KCNA3: variants seen among roughly 807,000 people sequenced by gnomAD.
KCNA3 encodes the protein RP11-284N8.3.
Under a neutral mutation model 34.3 loss-of-function variants are expected in KCNA3, and 18 were observed. The ratio of observed to expected loss-of-function variants is 0.52; its 90% CI spans 0.36 to 0.78. The LOEUF (loss-of-function observed/expected upper bound fraction) is 0.78, where lower values mean the gene tolerates loss of function less well. Among genes scored for constraint, KCNA3 ranks in the 30% least tolerant of loss-of-function variants. The probability of loss-of-function intolerance (pLI) is 0.00; values close to 1 mark genes in which losing one functional copy is unlikely to be tolerated. For synonymous variants in KCNA3, 324 were observed against 351.7 expected, an observed-to-expected ratio of 0.92 and a Z score of 0.88; for missense variants, 587 against 802.5, an observed-to-expected ratio of 0.73 and a Z score of 3.24.
chr1:110,674,496 C>T lies in KCNA3; in HGVS notation c.314G>A (p.Arg105His), dbSNP rs766185334. The T allele has an allele frequency of 1.2e-6, 2 of 1,613,470 alleles. No individual in the cohort carries two copies. The highest frequency in any genetic ancestry group is 1.1e-5 in the South Asian group (1 of 91,062). The stretch of plus-strand genomic sequence containing the variant: ...CAGCCCGGAGATGTTGATGACCACG[C>T]GCTCCCCGCAGCAGTCCTGCTCGCC... ...AAGEQDCCGERVVINISGLRF... is the reference protein window; with the variant it reads ...AAGEQDCCGEHVVINISGLRF... The change falls in exon 1 of 1, where the codon CGC (arginine) becomes CAC (histidine). Residue 105 changes from arginine to histidine, a missense_variant. Physicochemically the swap from Arg to His is conservative, Grantham distance 29. Coordinates refer to ENST00000369769, the MANE Select transcript of KCNA3 (RefSeq NM_002232.5). This position sits in a 1 kb window ranked among gnomAD's most constrained non-coding sequence, Gnocchi z 6.4.
Position 110,674,689 on chromosome 1 carries a change from CG to C in KCNA3, c.120del (p.Tyr40Ter). ...AGCTCGCGGCCTGCGGCGGGCTCCGCGTAGCCGTGGTTCACCAGCGTGTGGG... is the reference window on the plus strand; with the variant it reads ...AGCTCGCGGCCTGCGGCGGGCTCCGCTAGCCGTGGTTCACCAGCGTGTGGG... ...GGAHTLVNHG[Y>X]AEPAAGRELP... On this transcript the variant is annotated frameshift_variant, in exon 1 of 1. Transcript: ENST00000369769. LOFTEE classifies it high-confidence loss of function. The surrounding 1 kb of genome is among the most constrained non-coding windows in gnomAD (Gnocchi z 6.4). 6.7e-7 allele frequency: 1 copy of C among 1,499,740 alleles called. No homozygotes were observed. Among genetic ancestry groups the C allele is most frequent in the Non-Finnish European group, 8.8e-7 (1 of 1,135,234 alleles). 92.9% of individuals were successfully genotyped at this position (1,499,740 alleles called of 1,614,324 possible).
At position 110,673,006 on chromosome 1, in the gene KCNA3, T is replaced by C. The variant is rs1651942775; in HGVS notation, c.*76A>G. The stretch of plus-strand genomic sequence containing the variant: ...CCTTGATGAATGGTCTGGAAATGTA[T>C]AAAACAAGGGCATAGGCAGACCAAG... On this transcript the variant is annotated 3_prime_UTR_variant, in exon 1 of 1. Coordinates refer to ENST00000369769, the MANE Select transcript of KCNA3 (RefSeq NM_002232.5). The surrounding 1 kb of genome is among the most constrained non-coding windows in gnomAD (Gnocchi z 8.8). 1 of 1,380,788 alleles carries C rather than the reference T, an allele frequency of 7.2e-7. No homozygotes were observed. The highest frequency in any genetic ancestry group is 9.9e-7 in the Non-Finnish European group (1 of 1,006,540). The allele number at this position is 1,380,788 out of a possible 1,614,324, so 85.5% of individuals were successfully genotyped here. A position where few individuals can be genotyped will look rare whatever the true frequency, so the allele number is the denominator to read the frequency against.
chr1:110,674,033 G>A lies in KCNA3; in HGVS notation c.777C>T (p.Phe259=), dbSNP rs772498195. 8.7e-6 allele frequency: 14 copies of A among 1,608,604 alleles called. No homozygotes were observed. The South Asian group carries it at 1.5e-4, about 18-fold the overall frequency. Reference sequence around the variant, plus strand: ...AGGCGGGGTAGTCCTTCTCGTCGCGGAACTCCGGCAGCGTCTCCAGGCAGA... The same window carrying A: ...AGGCGGGGTAGTCCTTCTCGTCGCGAAACTCCGGCAGCGTCTCCAGGCAGA... ...VIFCLETLPE[F]RDEKDYPAST... is the part of the protein sequence containing the mutation. Residue 259 remains phenylalanine, a synonymous_variant, in exon 1 of 1, where the codon TTC becomes TTT. Transcript: ENST00000369769. The surrounding 1 kb of genome is among the most constrained non-coding windows in gnomAD (Gnocchi z 6.4).
rs2100949783 is a variant in KCNA3, at chr1:110,673,447, T to C, written c.1363A>G (p.Ile455Val). ...AGAGATCCCACAATCTTGCCCCCTATGGTCACTGGGTGCATATCGCCGTAA... is the reference window on the plus strand; with the variant it reads ...AGAGATCCCACAATCTTGCCCCCTACGGTCACTGGGTGCATATCGCCGTAA... ...VGYGDMHPVTIGGKIVGSLCA... is the reference protein window; with the variant it reads ...VGYGDMHPVTVGGKIVGSLCA... The change falls in exon 1 of 1, where the codon ATA becomes GTA. Residue 455 changes from isoleucine to valine, a missense_variant. Transcript: ENST00000369769. The surrounding 1 kb of genome is among the most constrained non-coding windows in gnomAD (Gnocchi z 8.8). 1.9e-6 allele frequency: 3 copies of C among 1,614,112 alleles called. No homozygotes were observed. The highest frequency in any genetic ancestry group is 2.2e-5 in the East Asian group (1 of 44,888).
rs1456820526 is a variant in KCNA3, at chr1:110,673,281, G to C, written c.1529C>G (p.Ser510Cys). 1.2e-6 allele frequency: 2 copies of C among 1,613,922 alleles called. No individual in the cohort carries two copies. Among genetic ancestry groups the C allele is most frequent in the Non-Finnish European group, 1.7e-6 (2 of 1,180,010 alleles). The change falls in exon 1 of 1, where the codon TCT becomes TGT. Residue 510 changes from serine (S) to cysteine (C), a missense_variant. Physicochemically the swap from Ser to Cys is moderately radical, Grantham distance 112. Transcript: ENST00000369769. This position sits in a 1 kb window ranked among gnomAD's most constrained non-coding sequence, Gnocchi z 8.8. ...MHVGSCQHLSSSAEELRKARS... is the reference protein window; with the variant it reads ...MHVGSCQHLSCSAEELRKARS... The stretch of plus-strand genomic sequence containing the variant: ...TGCTTTTCGGAGCTCCTCGGCTGAA[G>C]AGGAGAGGTGCTGGCAACTTCCCAC...
In KCNA3 at chr1:110,672,826, C is replaced by T. The variant is rs1355910449; in HGVS notation, c.*256G>A. 4.7e-6 allele frequency: 2 copies of T among 421,764 alleles called. No homozygotes were observed. The highest frequency in any genetic ancestry group is 2.0e-5 in the African/African-American group (1 of 50,110). 26.1% of individuals were successfully genotyped at this position (421,764 alleles called of 1,614,324 possible). On this transcript the variant is annotated 3_prime_UTR_variant, in exon 1 of 1. Transcript: ENST00000369769. The stretch of plus-strand genomic sequence containing the variant: ...GGCGTGTACTAGAAATGAAGTTTAA[C>T]GTAAGTCTGTTGTTTACAATGTTAA...
At chr1:110,670,313 C>T (rs1570799096), downstream of KCNA3, among the ~76,000 whole-genome samples, 1 of 152,138 alleles carries the variant, frequency 6.6e-6, no homozygotes, top group South Asian at 2.1e-4. Context: ...AATGTGGTGA[C>T]TACAAGCAAT....
At chr1:110,655,149 T>C in the KCNA3 span, 1 of 152,066 alleles carries the variant, frequency 6.6e-6, no homozygotes, top group African/African-American at 2.4e-5. Flanking sequence ...TGTGTATATA[T>C]ATATATTTAT....
chr1:110,670,341 A>C (rs1651841637), downstream of KCNA3, among the ~76,000 whole-genome samples: 1 of 152,206 alleles, frequency 6.6e-6, no homozygotes, highest in Non-Finnish European at 1.5e-5. Flanking sequence ...CCTCAAAGTT[A>C]TGAGTCAAAA....
In KCNA3 at chr1:110,674,902, G is replaced by C; in HGVS notation, c.-93C>G. ...CCTCCGCCCCCGAGCCGAGCCCACC[G>C]CCTGTTGCAGCCAAAGCCGCGATGC... On this transcript the variant is annotated 5_prime_UTR_variant, in exon 1 of 1. Coordinates refer to ENST00000369769, the MANE Select transcript of KCNA3 (RefSeq NM_002232.5). This position sits in a 1 kb window ranked among gnomAD's most constrained non-coding sequence, Gnocchi z 6.4. The C allele has an allele frequency of 7.9e-7, 1 of 1,264,048 alleles. No homozygotes were observed. Among genetic ancestry groups the C allele is most frequent in the Non-Finnish European group, 9.9e-7 (1 of 1,006,326 alleles). The allele number at this position is 1,264,048 out of a possible 1,614,324, so 78.3% of individuals were successfully genotyped here. A position where few individuals can be genotyped will look rare whatever the true frequency, so the allele number is the denominator to read the frequency against.
Position 110,673,304 on chromosome 1 carries a change from C to G in KCNA3, c.1506G>C (p.Val502=). 6.2e-7 allele frequency: 1 copy of G among 1,613,952 alleles called. No individual in the cohort carries two copies. The highest frequency in any genetic ancestry group is 8.5e-7 in the Non-Finnish European group (1 of 1,180,000). ...AAGAGGAGAGGTGCTGGCAACTTCC[C>G]ACGTGCATGTACTGGGATTGCTCTT... ...EGEEQSQYMH[V]GSCQHLSSSA... is the part of the protein sequence containing the mutation. The change falls in exon 1 of 1, where the codon GTG becomes GTC. Residue 502 remains valine, a synonymous_variant. Coordinates refer to ENST00000369769, the MANE Select transcript of KCNA3 (RefSeq NM_002232.5). The surrounding 1 kb of genome is among the most constrained non-coding windows in gnomAD (Gnocchi z 8.8).
Position 110,674,570 on chromosome 1 carries a change from G to T in KCNA3, c.240C>A (p.Gly80=). 6.4e-7 allele frequency: 1 copy of T among 1,557,720 alleles called. No individual in the cohort carries two copies. Among genetic ancestry groups the T allele is most frequent in the Non-Finnish European group, 8.6e-7 (1 of 1,156,260 alleles). ...GCGGCTCGTAGCGGTCGCAGCCGCC[G>T]CCGCCACAGCCGCCTTGAGGCGGGG... ...GGAPPQGGCG[G]GGCDRYEPLP... Residue 80 remains glycine, a synonymous_variant, in exon 1 of 1, where the codon GGC becomes GGA. Coordinates refer to ENST00000369769, the MANE Select transcript of KCNA3 (RefSeq NM_002232.5). This position sits in a 1 kb window ranked among gnomAD's most constrained non-coding sequence, Gnocchi z 6.4.
chr1:110,663,207 A>G, the KCNA3 span, among the ~76,000 whole-genome samples: 2 of 152,224 alleles, frequency 1.3e-5, no homozygotes, highest in Non-Finnish European at 2.9e-5. Flanking sequence ...ATAAAAATAA[A>G]CAATGTCACA....
chr1:110,674,732 T>C lies in KCNA3; in HGVS notation c.78A>G (p.Pro26=). 2 of 1,438,832 alleles carry C rather than the reference T, an allele frequency of 1.4e-6. No homozygotes were observed. The highest frequency in any genetic ancestry group is 2.9e-5 in the African/African-American group (2 of 68,018). 89.1% of individuals were successfully genotyped at this position (1,438,832 alleles called of 1,614,324 possible). A position where few individuals can be genotyped will look rare whatever the true frequency, so the allele number is the denominator to read the frequency against. ...ARHRAHPPQR[P]ASSGGAHTLV... ...GCGTGTGGGCACCGCCGCTGCTCGCTGGGCGCTGAGGAGGGTGGGCGCGGT... is the reference window on the plus strand; with the variant it reads ...GCGTGTGGGCACCGCCGCTGCTCGCCGGGCGCTGAGGAGGGTGGGCGCGGT... The change falls in exon 1 of 1, where the codon CCA becomes CCG. Residue 26 remains proline, a synonymous_variant. Coordinates refer to ENST00000369769, the MANE Select transcript of KCNA3 (RefSeq NM_002232.5). This position sits in a 1 kb window ranked among gnomAD's most constrained non-coding sequence, Gnocchi z 6.4.
At position 110,674,892 on chromosome 1, in the gene KCNA3, C is replaced by G. The variant is rs1398188338; in HGVS notation, c.-83G>C. The G allele has an allele frequency of 1.6e-6, 2 of 1,267,378 alleles. No individual in the cohort carries two copies. The highest frequency in any genetic ancestry group is 9.9e-7 in the Non-Finnish European group (1 of 1,009,094). 78.5% of individuals were successfully genotyped at this position (1,267,378 alleles called of 1,614,324 possible). ...CCTTTCGCCGCCTCCGCCCCCGAGC[C>G]GAGCCCACCGCCTGTTGCAGCCAAA... On this transcript the variant is annotated 5_prime_UTR_variant, in exon 1 of 1. Transcript: ENST00000369769. The surrounding 1 kb of genome is among the most constrained non-coding windows in gnomAD (Gnocchi z 6.4).
At chr1:110,661,095 G>A in the KCNA3 span, among the ~76,000 whole-genome samples, 2 of 152,124 alleles carry the variant, frequency 1.3e-5, no homozygotes, top group Admixed American at 1.3e-4. Flanking sequence ...ACCCAGCTCT[G>A]GGTTTGAATA....
downstream of KCNA3, among the ~76,000 whole-genome samples, chr1:110,668,966 TA>T (rs1421786527): frequency 1.3e-5 from 2 of 152,218 alleles, no homozygotes; most frequent in Non-Finnish European, 2.9e-5. Flanking sequence ...TTTCATTTCA[TA>T]AATGATTTAA....
At chr1:110,670,091 T>C (rs1216552725), downstream of KCNA3, among the ~76,000 whole-genome samples, 1 of 152,208 alleles carries the variant, frequency 6.6e-6, no homozygotes, top group East Asian at 1.9e-4. Flanking sequence ...TTAAGTAATT[T>C]GTTCAAGATC....
downstream of KCNA3, among the ~76,000 whole-genome samples, chr1:110,671,241 T>C (rs922107824): frequency 2.6e-5 from 4 of 152,226 alleles, no homozygotes; most frequent in Non-Finnish European, 5.9e-5. Flanking sequence ...TGAAGGTTAT[T>C]CTGAAGAGCA....
Sources: allele counts gnomAD v4.1 joint callset (sites outside exome capture counted in the v4.1 genomes callset), GRCh38; gene constraint gnomAD v4.1.1; non-coding constraint Gnocchi (gnomAD v3.1); transcripts MANE v1.5; gene names NCBI Gene and HGNC (gene_info 2026-07-23, HGNC 2026-07-21).